The following DPP6 variants were observed in gnomAD, a reference collection of about 807,000 sequenced individuals.
DPP6 encodes dipeptidyl peptidase like 6, also known as A-type potassium channel modulatory protein DPP6.
A neutral mutation model predicts 122.6 loss-of-function variants in DPP6; 69 were observed. That is an observed-to-expected ratio of 0.56 (90% confidence interval 0.46 to 0.69). The LOEUF (loss-of-function observed/expected upper bound fraction) is 0.69, where lower values mean the gene tolerates loss of function less well. DPP6 is among the 30% of genes least tolerant of loss of function. The pLI is 0.00. For synonymous variants in DPP6, 418 were observed against 433.1 expected (o/e 0.97, Z 0.43); for missense variants, 928 against 1,116.9 (o/e 0.83, Z 2.41).
intron 6 of DPP6, 95 bp from the exon 7 acceptor site, chr7:154,669,265 G>A: frequency 3.3e-6 from 5 of 1,531,852 alleles, no homozygotes; most frequent in Non-Finnish European, 4.4e-6. Context: ...GAAGGAGAAA[G>A]GAGTTAAGTT....
At chr7:154,222,070 GC>G (rs1315750698) in intron 1 of DPP6, among the ~76,000 whole-genome samples, 2 of 152,124 alleles carry the variant, frequency 1.3e-5, no homozygotes, top group Non-Finnish European at 2.9e-5. Flanking sequence ...TGCTTCACAT[GC>G]CTGGTTTTGT....
chr7:154,562,377 G>C (rs1173730957), intron 4 of DPP6, among the ~76,000 whole-genome samples: 1 of 152,016 alleles, frequency 6.6e-6, no homozygotes, highest in African/African-American at 2.4e-5. Context: ...TGCAGAAAAA[G>C]CATTTGAGAA....
At chr7:154,546,094 A>G (rs1829159550) in intron 4 of DPP6, among the ~76,000 whole-genome samples, 1 of 152,210 alleles carries the variant, frequency 6.6e-6, no homozygotes, top group South Asian at 2.1e-4. Flanking sequence ...TGAAACTAGG[A>G]AAATGAGATA....
chr7:154,412,192 C>T (rs911321760), intron 1 of DPP6, among the ~76,000 whole-genome samples: 1 of 152,132 alleles, frequency 6.6e-6, no homozygotes, highest in Non-Finnish European at 1.5e-5. Flanking sequence ...GGCCCCACCT[C>T]CTAATCTTGG....
At chr7:154,213,142 G>A (rs1032577611) in intron 1 of DPP6, among the ~76,000 whole-genome samples, 3 of 152,264 alleles carry the variant, frequency 2.0e-5, no homozygotes, top group African/African-American at 4.8e-5. Context: ...TTCAGCCAGC[G>A]CTCTTGGCAC....
At chr7:154,335,255 A>G (rs924117383) in intron 1 of DPP6, among the ~76,000 whole-genome samples, 1 of 152,260 alleles carries the variant, frequency 6.6e-6, no homozygotes, top group Admixed American at 6.5e-5. Context: ...ATTGCAGTGA[A>G]TGCAGGATGC....
intron 3 of DPP6, among the ~76,000 whole-genome samples, chr7:154,492,579 G>A (rs1002233226): frequency 1.3e-5 from 2 of 152,222 alleles, no homozygotes; most frequent in African/African-American, 2.4e-5. Flanking sequence ...ATACCGCACC[G>A]GGTGTTATGA....
intron 1 of DPP6, among the ~76,000 whole-genome samples, chr7:154,089,217 T>C (rs1401372966): frequency 6.6e-6 from 1 of 151,942 alleles, no homozygotes; most frequent in Non-Finnish European, 1.5e-5. Flanking sequence ...GTCCAACATT[T>C]CCATCAGAAG....
rs557999486 is a variant in DPP6 at position 154,842,913 on chromosome 7, A to G, written c.1667-10867A>G. ...TGCATGCTCCAAGGCTGCACCAGCC[A>G]CGAGGCAGGCTTATTTATCAAGGAC... is the stretch of plus-strand genomic sequence containing the variant. On this transcript the variant is annotated intron_variant, in intron 16 of 25. Coordinates refer to ENST00000377770, the MANE Select transcript of DPP6 (RefSeq NM_130797.4). 2.0e-5 allele frequency among the ~76,000 whole-genome samples: 3 copies of G among 152,356 alleles called. No individual in the cohort carries two copies. The East Asian group carries it at 5.8e-4, about 29-fold the overall frequency.
rs553520789 is a variant in DPP6 at position 154,104,611 on chromosome 7, C to T, written c.243+51548C>T. On this transcript the variant is annotated intron_variant, in intron 1 of 25. Transcript: ENST00000377770. ...TGGTATTTTCTCAGGGACCCTTCGG[C>T]CCTGGACCTGTGCTGTGCAGGCATC... 1.1e-4 allele frequency among the ~76,000 whole-genome samples: 17 copies of T among 152,388 alleles called. No homozygotes were observed. The South Asian group carries it at 3.5e-3, about 32-fold the overall frequency.
intron 3 of DPP6, among the ~76,000 whole-genome samples, chr7:154,539,267 C>T (rs76021291): frequency 6.6e-6 from 1 of 152,172 alleles, no homozygotes; most frequent in Non-Finnish European, 1.5e-5. Context: ...TTTTCTTACT[C>T]TCTTCTAAGG....
chr7:154,505,896 A>T lies in DPP6; in HGVS notation c.457+30859A>T, dbSNP rs189035852. The stretch of plus-strand genomic sequence containing the variant: ...ATAGCCCTCACTTGGAGTGGAAGGC[A>T]ATGCTCTTTCTTCTTGAGAGCAGGG... On this transcript the variant is annotated intron_variant, in intron 3 of 25. Coordinates refer to ENST00000377770, the MANE Select transcript of DPP6 (RefSeq NM_130797.4). 1.9e-3 allele frequency among the ~76,000 whole-genome samples: 284 copies of T among 152,286 alleles called. 1 individual carries two copies. The highest frequency in any genetic ancestry group is 6.6e-3 in the African/African-American group (275 of 41,572).
At chr7:154,041,123 C>G (rs1471246869) in intron 1 of DPP6, among the ~76,000 whole-genome samples, 2 of 152,164 alleles carry the variant, frequency 1.3e-5, no homozygotes, top group Admixed American at 1.3e-4. Flanking sequence ...CAGACTCATA[C>G]TCCTCCTCTG....
intron 1 of DPP6, among the ~76,000 whole-genome samples, chr7:153,948,683 A>G (rs756496627): frequency 8.6e-5 from 13 of 151,422 alleles, no homozygotes; most frequent in Non-Finnish European, 1.8e-4. Flanking sequence ...TGAACAAAAT[A>G]TAATACAACT....
intron 5 of DPP6, among the ~76,000 whole-genome samples, chr7:154,585,630 T>G (rs1832390138): frequency 6.6e-6 from 1 of 152,224 alleles, no homozygotes; most frequent in African/African-American, 2.4e-5. Flanking sequence ...CATCCTTCCG[T>G]GTACTTGAAA....
intron 8 of DPP6, 80 bp from the exon 9 acceptor site, chr7:154,769,337 C>A: frequency 1.3e-6 from 2 of 1,581,458 alleles, no homozygotes; most frequent in South Asian, 1.1e-5. Context: ...CTTTCCTGGC[C>A]ACCTCATGTT....
intron 6 of DPP6, among the ~76,000 whole-genome samples, chr7:154,668,197 T>TTATATATATATATATATATATATATA (rs10668895): frequency 0.016 from 563 of 36,316 alleles, 49 homozygotes; most frequent in Middle Eastern, 0.043. Context: ...TGTGTATATT[T>TTATATATATATATATATATATATATA]TATATATATA....
At chr7:153,787,880 C>G in the DPP6 span, among the ~76,000 whole-genome samples, 2 of 137,262 alleles carry the variant, frequency 1.5e-5, no homozygotes, top group African/African-American at 2.7e-5. Flanking sequence ...CTGGAAGGAT[C>G]TTAACTGAAA....
chr7:154,540,182 T>C (rs758779987), intron 3 of DPP6, among the ~76,000 whole-genome samples: 9 of 152,322 alleles, frequency 5.9e-5, no homozygotes, highest in Non-Finnish European at 7.3e-5. Context: ...TACTCCAAAG[T>C]TGGATATAGG....
Sources: allele counts gnomAD v4.1 joint callset (sites outside exome capture counted in the v4.1 genomes callset), GRCh38; gene constraint gnomAD v4.1.1; transcripts MANE v1.5; gene names NCBI Gene and HGNC (gene_info 2026-07-23, HGNC 2026-07-21).